The following CLCN5 variants were observed in gnomAD, a reference collection of about 807,000 sequenced individuals.
CLCN5 encodes Cl-/H+ antiporter 5.
CLCN5 carries 17 observed loss-of-function variants against 54.0 expected under a neutral mutation model. The ratio of observed to expected loss-of-function variants is 0.31; its 90% CI spans 0.22 to 0.47. The LOEUF (loss-of-function observed/expected upper bound fraction) is 0.47, where lower values mean the gene tolerates loss of function less well. Among genes scored for constraint, CLCN5 ranks in the 20% least tolerant of loss-of-function variants. CLCN5 has a pLI of 1.00. For synonymous variants in CLCN5, 222 were observed against 233.0 expected (o/e 0.95, Z 0.43); for missense variants, 448 against 646.7 (o/e 0.69, Z 3.33).
At chrX:49,938,168 G>C (rs904315930) in intron 3 of CLCN5, among the ~76,000 whole-genome samples, 1 of 111,423 alleles carries the variant, frequency 9.0e-6, no homozygotes, top group African/African-American at 3.3e-5. Flanking sequence ...ACACAAGACA[G>C]GTTTTACTTT....
At chrX:50,055,757 T>C (rs1932723192) in intron 4 of CLCN5, among the ~76,000 whole-genome samples, 1 of 112,017 alleles carries the variant, frequency 8.9e-6, no homozygotes, top group Admixed American at 9.5e-5. Context: ...GAATTCAGTA[T>C]GATCCTTCCA....
In CLCN5 at chrX:50,092,624, C is replaced by G. The variant is rs1934141744; in HGVS notation, c.*405C>G. ...AAAAAGTCACTCTTTTGGGATCTAA[C>G]TGTTGTTACTGGAAGACGAAGTGTA... On this transcript the variant is annotated 3_prime_UTR_variant, in exon 15 of 15. Coordinates refer to ENST00000376091, the MANE Select transcript of CLCN5 (RefSeq NM_001127898.4). 7.2e-6 allele frequency: 1 copy of G among 138,261 alleles called. No homozygotes were observed. 11.4% of individuals were successfully genotyped at this position (138,261 alleles called of 1,213,427 possible).
chrX:50,080,372 T>TA (rs782512830), intron 7 of CLCN5, among the ~76,000 whole-genome samples: 1 of 111,823 alleles, frequency 8.9e-6, no homozygotes, highest in East Asian at 2.8e-4. Context: ...GAATCCATGG[T>TA]AAATTTCCTT....
In CLCN5 at chrX:49,966,600, T is replaced by A. The variant is rs1369426911; in HGVS notation, c.16+41286T>A. Among the ~76,000 whole-genome samples the A allele has an allele frequency of 6.7e-4, 11 of 16,367 alleles. 3 individuals are homozygous for A. The highest frequency in any genetic ancestry group is 1.1e-3 in the African/African-American group (4 of 3,756). 14.2% of individuals were successfully genotyped at this position (16,367 alleles called of 115,157 possible). A position where few individuals can be genotyped will look rare whatever the true frequency, so the allele number is the denominator to read the frequency against. ...TTTATATCTCTGATCTTTTTTTTTT[T>A]TTTTTTTTTTTATTTTTTTATTTTT... On this transcript the variant is annotated intron_variant, in intron 3 of 14. Transcript: ENST00000376091.
At chrX:50,006,842 C>A (rs915491734) in intron 3 of CLCN5, among the ~76,000 whole-genome samples, 1 of 111,773 alleles carries the variant, frequency 8.9e-6, no homozygotes, top group African/African-American at 3.3e-5. Flanking sequence ...AACAGTACAG[C>A]CACAGTCCCC....
intron 7 of CLCN5, among the ~76,000 whole-genome samples, 181 bp from the exon 8 acceptor site, chrX:50,080,413 C>T (rs1238382098): frequency 3.7e-5 from 4 of 108,387 alleles, no homozygotes; most frequent in African/African-American, 1.3e-4. Context: ...ATTTTCAGTA[C>T]TAAGTGGCCT....
At chrX:50,047,068 G>A (rs2147485735) in intron 4 of CLCN5, among the ~76,000 whole-genome samples, 1 of 111,617 alleles carries the variant, frequency 9.0e-6, no homozygotes, top group South Asian at 3.8e-4. Flanking sequence ...AAAAACCTGA[G>A]GGTACTTGAA....
intron 3 of CLCN5, among the ~76,000 whole-genome samples, chrX:49,951,033 A>C (rs1350450198): frequency 1.8e-5 from 2 of 111,497 alleles, no homozygotes; most frequent in African/African-American, 6.5e-5. Flanking sequence ...ATAGTCCCCC[A>C]CTACCCTTCC....
At chrX:50,040,148 C>A (rs1932162580) in intron 3 of CLCN5, among the ~76,000 whole-genome samples, 1 of 112,129 alleles carries the variant, frequency 8.9e-6, no homozygotes, top group Non-Finnish European at 1.9e-5. Flanking sequence ...GAAGCAGAGA[C>A]AGGATTTTGT....
chrX:50,051,302 T>G (rs184687140), intron 4 of CLCN5, among the ~76,000 whole-genome samples: 24 of 112,465 alleles, frequency 2.1e-4, no homozygotes, highest in African/African-American at 7.4e-4. Flanking sequence ...GATTTGCCTT[T>G]GCGCCTTCTT....
At chrX:50,079,074 C>T (rs376850943) in intron 7 of CLCN5, among the ~76,000 whole-genome samples, 10 of 111,631 alleles carry the variant, frequency 9.0e-5, no homozygotes, top group East Asian at 2.8e-4. Context: ...CCGCCCGCCT[C>T]GGCCTCCTCT....
At chrX:50,033,766 C>T (rs1931851557) in intron 3 of CLCN5, among the ~76,000 whole-genome samples, 1 of 111,881 alleles carries the variant, frequency 8.9e-6, no homozygotes, top group African/African-American at 3.2e-5. Context: ...TGACTTCAAA[C>T]ATTTTAATTT....
intron 3 of CLCN5, among the ~76,000 whole-genome samples, chrX:49,958,740 G>T (rs1557174204): frequency 9.0e-6 from 1 of 111,541 alleles, no homozygotes; most frequent in Non-Finnish European, 1.9e-5. Context: ...ATTTGAAACT[G>T]CTTGCTACTC....
At chrX:49,952,879 T>C (rs1442792110) in intron 3 of CLCN5, among the ~76,000 whole-genome samples, 1 of 110,904 alleles carries the variant, frequency 9.0e-6, no homozygotes. Flanking sequence ...TCTAGACGTG[T>C]GTGTGTAACT....
At chrX:49,966,155 T>C (rs1344845966) in intron 3 of CLCN5, among the ~76,000 whole-genome samples, 1 of 111,540 alleles carries the variant, frequency 9.0e-6, no homozygotes, top group Non-Finnish European at 1.9e-5. Flanking sequence ...GTATTATTTC[T>C]TCCTTCAATG....
chrX:50,034,232 A>C (rs1557186277), intron 3 of CLCN5, among the ~76,000 whole-genome samples: 1 of 112,319 alleles, frequency 8.9e-6, no homozygotes, highest in East Asian at 2.8e-4. Context: ...GGGAGCACAG[A>C]TTTCAGTAAC....
intron 3 of CLCN5, among the ~76,000 whole-genome samples, chrX:49,952,758 A>G (rs2147291534): frequency 8.9e-6 from 1 of 112,464 alleles, no homozygotes; most frequent in South Asian, 3.6e-4. Flanking sequence ...TTATTGTAAT[A>G]TGTATTTAAC....
At chrX:49,950,694 T>C (rs2147288362) in intron 3 of CLCN5, among the ~76,000 whole-genome samples, 1 of 110,320 alleles carries the variant, frequency 9.1e-6, no homozygotes, top group African/African-American at 3.4e-5. Context: ...AATGATAATA[T>C]TTTGCTTTTT....
intron 4 of CLCN5, among the ~76,000 whole-genome samples, chrX:50,050,077 A>G (rs1363937643): frequency 2.7e-5 from 3 of 112,089 alleles, no homozygotes; most frequent in Admixed American, 9.4e-5. Context: ...TGTATATACT[A>G]CTGTTTGTTT....
Sources: gnomAD v4.1 joint callset for allele counts (sites outside exome capture counted in the v4.1 genomes callset) on GRCh38, gnomAD v4.1.1 for gene constraint, MANE v1.5 for transcripts, NCBI Gene and HGNC (gene_info 2026-07-23, HGNC 2026-07-21) for gene names.